Variants in LOC400499 observed in about 807,000 individuals in gnomAD.
the LOC400499 span, among the ~76,000 whole-genome samples, chr16:11,416,522 T>C: frequency 2.0e-5 from 3 of 152,158 alleles, no homozygotes; most frequent in Non-Finnish European, 4.4e-5. Flanking sequence ...ATACCTACTA[T>C]GCACCCTACG....
the LOC400499 span, among the ~76,000 whole-genome samples, chr16:11,489,789 C>T: frequency 2.0e-5 from 3 of 152,288 alleles, no homozygotes; most frequent in East Asian, 3.9e-4. Context: ...TCCAATAGTG[C>T]CATCTCTTCA....
the LOC400499 span, among the ~76,000 whole-genome samples, chr16:11,379,708 G>A: frequency 1.3e-5 from 2 of 152,164 alleles, no homozygotes; most frequent in Non-Finnish European, 2.9e-5. Flanking sequence ...GCTGTTGATT[G>A]TTTTCTGCAT....
chr16:11,459,759 A>T, the LOC400499 span: 1 of 881,634 alleles, frequency 1.1e-6, no homozygotes, highest in Non-Finnish European at 1.5e-6. Flanking sequence ...GAGATGCAAA[A>T]GGGAAAGTCA....
At chr16:11,512,537 G>T in the LOC400499 span, among the ~76,000 whole-genome samples, 1 of 151,990 alleles carries the variant, frequency 6.6e-6, no homozygotes, top group Non-Finnish European at 1.5e-5. Context: ...GGGAGAGGAG[G>T]TTGCAGTGGG....
chr16:11,513,838 GTAAATCCTTC>G, the LOC400499 span, among the ~76,000 whole-genome samples: 1 of 152,134 alleles, frequency 6.6e-6, no homozygotes, highest in South Asian at 2.1e-4. Flanking sequence ...CTGGCCCACA[GTAAATCCTTC>G]CAAAGTCCCA....
the LOC400499 span, among the ~76,000 whole-genome samples, chr16:11,373,042 T>C: frequency 6.6e-6 from 1 of 152,284 alleles, no homozygotes; most frequent in Admixed American, 6.5e-5. Context: ...GCCAGCACCC[T>C]CGACACAGAG....
At chr16:11,506,021 A>G in the LOC400499 span, among the ~76,000 whole-genome samples, 1 of 151,928 alleles carries the variant, frequency 6.6e-6, no homozygotes, top group Non-Finnish European at 1.5e-5. Flanking sequence ...ATGCTAAAAC[A>G]ACTTTATTTA....
At chr16:11,383,437 G>A in the LOC400499 span, among the ~76,000 whole-genome samples, 2 of 152,246 alleles carry the variant, frequency 1.3e-5, no homozygotes, top group African/African-American at 2.4e-5. Context: ...TTCACCAAAC[G>A]GAGGGCACTA....
At chr16:11,463,384 G>A in the LOC400499 span, among the ~76,000 whole-genome samples, 42 of 150,052 alleles carry the variant, frequency 2.8e-4, 1 homozygote, top group African/African-American at 9.7e-4. Flanking sequence ...GTGTGCGGAT[G>A]TGTGTGTATG....
the LOC400499 span, among the ~76,000 whole-genome samples, chr16:11,385,940 G>C: frequency 5.3e-5 from 8 of 152,146 alleles, no homozygotes; most frequent in Non-Finnish European, 1.0e-4. Context: ...GGGGACTGAG[G>C]CAGGAGGATC....
At chr16:11,472,645 T>C in the LOC400499 span, 2 of 152,176 alleles carry the variant, frequency 1.3e-5, no homozygotes, top group African/African-American at 4.8e-5. Context: ...ATGTTTCTTT[T>C]TCATTATTAT....
At chr16:11,463,365 CA>C in the LOC400499 span, among the ~76,000 whole-genome samples, 5 of 149,904 alleles carry the variant, frequency 3.3e-5, no homozygotes, top group African/African-American at 1.2e-4. Flanking sequence ...CCCCGATCCC[CA>C]CAGATGTGTG....
At chr16:11,411,176 C>T in the LOC400499 span, 1 of 399,088 alleles carries the variant, frequency 2.5e-6, no homozygotes, top group Non-Finnish European at 4.4e-6. Flanking sequence ...CCCAGAGGGG[C>T]CTGGCCCCCT....
chr16:11,382,649 C>T, the LOC400499 span, among the ~76,000 whole-genome samples: 699 of 152,210 alleles, frequency 4.6e-3, 4 homozygotes, highest in Middle Eastern at 0.014. Flanking sequence ...GGTGTACATT[C>T]AAATCCCTGA....
At chr16:11,446,984 G>T in the LOC400499 span, 3 of 1,460,738 alleles carry the variant, frequency 2.1e-6, no homozygotes, top group Non-Finnish European at 2.7e-6. Context: ...TGTGCCCCAC[G>T]GTCTCAGCCT....
chr16:11,476,164 G>A, the LOC400499 span, among the ~76,000 whole-genome samples: 86,096 of 145,440 alleles, frequency 0.59, 27,381 homozygotes, highest in African/African-American at 0.83. Flanking sequence ...AGAGGGGGAC[G>A]GTGAGTGAGG....
chr16:11,380,985 C>G, the LOC400499 span: 1 of 157,906 alleles, frequency 6.3e-6, no homozygotes, highest in Non-Finnish European at 1.4e-5. Flanking sequence ...CTGCCTTAAG[C>G]CTGGCTCTGC....
chr16:11,400,275 C>A, the LOC400499 span, among the ~76,000 whole-genome samples: 5 of 152,028 alleles, frequency 3.3e-5, no homozygotes, highest in Non-Finnish European at 5.9e-5. Flanking sequence ...CACCACAGGG[C>A]CTTTGCACGG....
At chr16:11,494,993 G>T in the LOC400499 span, among the ~76,000 whole-genome samples, 3 of 152,184 alleles carry the variant, frequency 2.0e-5, no homozygotes, top group Non-Finnish European at 2.9e-5. Flanking sequence ...TGGATCACCT[G>T]AGGTCAGGAG....
Sources: allele counts gnomAD v4.1 joint callset (sites outside exome capture counted in the v4.1 genomes callset), GRCh38; gene constraint gnomAD v4.1.1; transcripts MANE v1.5.